Variants in FREM2 observed in about 807,000 individuals in gnomAD.
The protein encoded by FREM2 is FRAS1-related extracellular matrix protein 2.
In FREM2, 119 loss-of-function variants were observed where a neutral mutation model predicts 219.9. The ratio of observed to expected loss-of-function variants is 0.54; its 90% confidence interval spans 0.47 to 0.63. The LOEUF is 0.63. Among genes scored for constraint, FREM2 ranks in the 30% least tolerant of loss-of-function variants. The pLI is 0.00. For missense variants in FREM2, 4,030 were observed against 3,993.6 expected (o/e 1.01, Z -0.25); for synonymous variants, 1,562 against 1,522.8 (o/e 1.03, Z -0.60).
At position 38,690,040 on chromosome 13, in the gene FREM2, G is replaced by A. The variant is rs761326295; in HGVS notation, c.2696G>A (p.Arg899Gln). 3.6e-5 allele frequency: 58 copies of A among 1,613,724 alleles called. No individual in the cohort carries two copies. The highest frequency in any genetic ancestry group is 4.6e-5 in the Non-Finnish European group (54 of 1,180,008). ...CACTTGGAGGACATAAAACAGGGCC[G>A]AGTTTCCTATGCCCATAATGGGGAC... ...LFHLEDIKQG[R>Q]VSYAHNGDKS... Residue 899 changes from arginine (R) to glutamine (Q), a missense_variant, in exon 1 of 24, where the codon CGA (arginine) becomes CAA (glutamine). Arg to Gln is a conservative substitution (Grantham distance 43). Coordinates refer to ENST00000280481, the MANE Select transcript of FREM2 (RefSeq NM_207361.6).
At chr13:38,731,293 T>C (rs991726664) in intron 2 of FREM2, among the ~76,000 whole-genome samples, 3 of 152,196 alleles carry the variant, frequency 2.0e-5, no homozygotes, top group Non-Finnish European at 4.4e-5. Flanking sequence ...GACAAAAACA[T>C]ACAAAGTAAA....
chr13:38,717,250 T>A (rs1413150032), intron 2 of FREM2, among the ~76,000 whole-genome samples: 2 of 152,010 alleles, frequency 1.3e-5, no homozygotes, highest in Admixed American at 6.6e-5. Context: ...ATGAATGAGT[T>A]CCTAGAAAAA....
chr13:38,832,011 T>C (rs549545973), intron 6 of FREM2, among the ~76,000 whole-genome samples: 4 of 152,192 alleles, frequency 2.6e-5, no homozygotes, highest in African/African-American at 9.6e-5. Context: ...ATGTAAAGTA[T>C]TTATTGAAAG....
chr13:38,863,342 G>A (rs1461896262), intron 15 of FREM2, among the ~76,000 whole-genome samples: 1 of 152,074 alleles, frequency 6.6e-6, no homozygotes, highest in African/African-American at 2.4e-5. Context: ...GAGCCACCAC[G>A]CATGGCCAGT....
intron 6 of FREM2, among the ~76,000 whole-genome samples, chr13:38,800,289 T>C (rs1874960843): frequency 1.3e-5 from 2 of 152,218 alleles, no homozygotes. Flanking sequence ...TAGGAAATAC[T>C]TTATTTCTTC....
intron 2 of FREM2, among the ~76,000 whole-genome samples, chr13:38,709,008 C>T (rs191361684): frequency 2.6e-5 from 4 of 152,290 alleles, no homozygotes; most frequent in Admixed American, 1.3e-4. Context: ...GATCCACCTG[C>T]GTTTGCCTCC....
intron 2 of FREM2, among the ~76,000 whole-genome samples, chr13:38,737,521 T>C (rs964446607): frequency 6.6e-6 from 1 of 152,230 alleles, no homozygotes; most frequent in African/African-American, 2.4e-5. Context: ...TCTAAAGTAT[T>C]ACTTGTCAGC....
rs773245067 is a variant in FREM2 at position 38,850,981 on chromosome 13, C to A, written c.6615C>A (p.Asp2205Glu). 2 of 1,613,352 alleles carry A rather than the reference C, an allele frequency of 1.2e-6. No individual in the cohort carries two copies. Among genetic ancestry groups the A allele is most frequent in the Non-Finnish European group, 1.7e-6 (2 of 1,179,964 alleles). The change falls in exon 10 of 24, where the codon GAC (aspartate) becomes GAA (glutamate). Residue 2205 changes from aspartate to glutamate, a missense_variant. Asp to Glu is a conservative substitution (Grantham distance 45, BLOSUM62 2). This residue lies in a region of FREM2 where 3,102 missense variants were observed against 2,950.7 expected (regional missense o/e 1.05). Coordinates refer to ENST00000280481, the MANE Select transcript of FREM2 (RefSeq NM_207361.6). ...AGCCCTGCATTCTTGAGCTGATGGA[C>A]GATGTGCTCTATGAGGAGGTAGAGG... ...TEKPCILELM[D>E]DVLYEEVEEL...
At chr13:38,738,434 CACATGCCTGTGGT>C in intron 2 of FREM2, among the ~76,000 whole-genome samples, 1 of 151,922 alleles carries the variant, frequency 6.6e-6, no homozygotes, top group Middle Eastern at 3.4e-3. Flanking sequence ...GGCGTGGTGG[CACATGCCTGTGGT>C]CCCAGCTACT....
intron 6 of FREM2, among the ~76,000 whole-genome samples, chr13:38,813,378 G>A (rs933146873): frequency 1.3e-5 from 2 of 150,054 alleles, no homozygotes; most frequent in African/African-American, 4.9e-5. Flanking sequence ...CTTTAAATAT[G>A]TCATACCCCT....
intron 5 of FREM2, 96 bp downstream of exon 5, chr13:38,783,291 T>C (rs1874193666): frequency 7.7e-7 from 1 of 1,292,182 alleles, no homozygotes. Flanking sequence ...ATGAGGGGTA[T>C]ACTTTATTAA....
At chr13:38,805,593 TAAG>T (rs1875194384) in intron 6 of FREM2, among the ~76,000 whole-genome samples, 1 of 151,770 alleles carries the variant, frequency 6.6e-6, no homozygotes, top group African/African-American at 2.4e-5. Context: ...GCAGTTGAAA[TAAG>T]GAGGGTAGAT....
At chr13:38,861,801 C>T (rs983203828) in intron 15 of FREM2, among the ~76,000 whole-genome samples, 4 of 152,150 alleles carry the variant, frequency 2.6e-5, no homozygotes, top group Non-Finnish European at 4.4e-5. Context: ...CACGATAAAA[C>T]AAAACTTTGG....
Position 38,693,257 on chromosome 13 carries a change from A to G in FREM2, c.5173+740A>G, listed in dbSNP as rs116775989. Among the ~76,000 whole-genome samples the G allele has an allele frequency of 7.6e-3, 1,163 of 152,352 alleles. 22 individuals are homozygous for G. Among genetic ancestry groups the G allele is most frequent in the African/African-American group, 0.027 (1,117 of 41,572 alleles). On this transcript the variant is annotated intron_variant, in intron 1 of 23. Transcript: ENST00000280481. Reference sequence around the variant, plus strand: ...TGTTCATCACCAAAATATACATCTAATTCATTATTAAGAGCATGAAGATAA... The same window carrying G: ...TGTTCATCACCAAAATATACATCTAGTTCATTATTAAGAGCATGAAGATAA...
At position 38,820,489 on chromosome 13, in the gene FREM2, T is replaced by A. The variant is rs552945456; in HGVS notation, c.6020-26084T>A. ...TCAGTCACAGAAAATTCCATTTTAG[T>A]GTTAAAAATCACATAAATCTGAGAA... is the stretch of plus-strand genomic sequence containing the variant. On this transcript the variant is annotated intron_variant, in intron 6 of 23. Coordinates refer to ENST00000280481, the MANE Select transcript of FREM2 (RefSeq NM_207361.6). 2.6e-5 allele frequency among the ~76,000 whole-genome samples: 4 copies of A among 152,230 alleles called. No individual in the cohort carries two copies. In the South Asian group the frequency reaches 8.3e-4, roughly 32 times the overall value.
rs1172271118 is a variant in FREM2 at position 38,864,490 on chromosome 13, A to G, written c.7867A>G (p.Thr2623Ala). 1 of 1,614,032 alleles carries G rather than the reference A, an allele frequency of 6.2e-7. No individual in the cohort carries two copies. The highest frequency in any genetic ancestry group is 2.2e-5 in the East Asian group (1 of 44,894). Residue 2623 changes from threonine (T) to alanine (A), a missense_variant, in exon 16 of 24, where the codon ACC becomes GCC. Physicochemically the swap from Thr to Ala is moderately conservative, Grantham distance 58. Transcript: ENST00000280481. Reference protein sequence around the residue: ...QYSLSIRGSTTLRFYRNLNLE... With the variant: ...QYSLSIRGSTALRFYRNLNLE... ...CAGCTTGTCCATCAGAGGTTCCACT[A>G]CCTTGCGCTTCTACCGGAACCTGAA...
intron 11 of FREM2, among the ~76,000 whole-genome samples, chr13:38,853,872 C>CA (rs2137914426): frequency 6.6e-6 from 1 of 151,866 alleles, no homozygotes; most frequent in African/African-American, 2.4e-5. Flanking sequence ...TGACTTTTAA[C>CA]AAAAAATGTT....
At chr13:38,844,271 CCG>C (rs1313010382) in intron 6 of FREM2, among the ~76,000 whole-genome samples, 4 of 152,122 alleles carry the variant, frequency 2.6e-5, no homozygotes, top group African/African-American at 7.2e-5. Context: ...CATGCCACCC[CCG>C]CCTCTTTCTT....
At chr13:38,754,882 TGATG>T (rs1566129625) in intron 2 of FREM2, among the ~76,000 whole-genome samples, 50 of 92,646 alleles carry the variant, frequency 5.4e-4, no homozygotes, top group Non-Finnish European at 9.3e-4. Context: ...ATGATGATGA[TGATG>T]ATGATGATGA....
Sources: gnomAD v4.1 joint callset for allele counts (sites outside exome capture counted in the v4.1 genomes callset) on GRCh38, gnomAD v4.1.1 for gene constraint, gnomAD v4.1.1 regional missense constraint, MANE v1.5 for transcripts, NCBI Gene and HGNC (gene_info 2026-07-23, HGNC 2026-07-21) for gene names.